The following TTLL11 variants were observed in gnomAD, a reference collection of about 807,000 sequenced individuals.
TTLL11 encodes tubulin polyglutamylase TTLL11.
In TTLL11, 42 loss-of-function variants were observed where a neutral mutation model predicts 51.7. The ratio of observed to expected loss-of-function variants is 0.81; its 90% CI spans 0.64 to 1.05. TTLL11 has a LOEUF of 1.05. Ranked by LOEUF, TTLL11 falls within the 50% of genes least tolerant of loss-of-function variation. The probability of loss-of-function intolerance (pLI) is 0.00; values close to 1 mark genes in which losing one functional copy is unlikely to be tolerated. For missense variants in TTLL11, 799 were observed against 940.4 expected, an observed-to-expected ratio of 0.85 and a Z score of 1.97; for synonymous variants, 381 against 383.5, an observed-to-expected ratio of 0.99 and a Z score of 0.08.
intron 6 of TTLL11, among the ~76,000 whole-genome samples, chr9:121,913,686 A>G (rs1193079296): frequency 2.0e-5 from 3 of 152,228 alleles, no homozygotes. Flanking sequence ...AAACCAGGAC[A>G]CTACTGAACT....
intron 4 of TTLL11, among the ~76,000 whole-genome samples, chr9:121,982,880 C>T (rs948068264): frequency 3.9e-5 from 6 of 152,204 alleles, no homozygotes; most frequent in Middle Eastern, 3.4e-3. Context: ...GGGCAGATGG[C>T]GCTGCATCTT....
chr9:121,829,726 A>T (rs1470654234), intron 8 of TTLL11, among the ~76,000 whole-genome samples: 1 of 150,376 alleles, frequency 6.6e-6, no homozygotes, highest in Admixed American at 6.7e-5. Flanking sequence ...TTCTTTTCTG[A>T]ATTTTCCAAA....
chr9:122,041,597 T>A (rs550334111), intron 1 of TTLL11, among the ~76,000 whole-genome samples: 3 of 151,996 alleles, frequency 2.0e-5, no homozygotes, highest in Non-Finnish European at 4.4e-5. Flanking sequence ...AATCAACACA[T>A]AAAAATCAAC....
At chr9:121,839,311 A>G (rs12352487) in intron 8 of TTLL11, among the ~76,000 whole-genome samples, 9,053 of 152,236 alleles carry the variant, frequency 0.059, 748 homozygotes, top group African/African-American at 0.19. Flanking sequence ...CCTGGCGTGT[A>G]GGGGCGGCTC....
intron 1 of TTLL11, among the ~76,000 whole-genome samples, chr9:122,060,442 T>C (rs1468484902): frequency 6.6e-6 from 1 of 152,208 alleles, no homozygotes; most frequent in African/African-American, 2.4e-5. Context: ...AGAAGTTACA[T>C]AGCCTGCTCC....
At chr9:122,077,692 T>C (rs184555149) in intron 1 of TTLL11, among the ~76,000 whole-genome samples, 14 of 152,176 alleles carry the variant, frequency 9.2e-5, no homozygotes, top group Non-Finnish European at 1.9e-4. Context: ...CTACAAAATT[T>C]ATATAATGCA....
intron 6 of TTLL11, among the ~76,000 whole-genome samples, chr9:121,925,487 T>C (rs907824099): frequency 1.4e-5 from 2 of 144,018 alleles, no homozygotes; most frequent in Admixed American, 1.4e-4. Flanking sequence ...GGCCTGTTCA[T>C]GGCTCCAGGC....
At position 121,927,628 on chromosome 9, in the gene TTLL11, A is replaced by ATT. The variant is rs59367881; in HGVS notation, c.1481+46379_1481+46380dup. The stretch of plus-strand genomic sequence containing the variant: ...ATATCACAAGAGCACAGAAGGTGGC[A>ATT]TTTTTTTTTTTTTTTTTTTGAAGGT... On this transcript the variant is annotated intron_variant, in intron 6 of 8. Transcript: ENST00000321582. Among the ~76,000 whole-genome samples the ATT allele has an allele frequency of 1.2e-4, 18 of 144,194 alleles. No individual in the cohort carries two copies. The South Asian group carries it at 3.3e-3, about 27-fold the overall frequency. The allele number at this position is 144,194 out of a possible 152,430, so 94.6% of individuals were successfully genotyped here.
intron 1 of TTLL11, among the ~76,000 whole-genome samples, chr9:122,082,673 T>C (rs1564390382): frequency 1.3e-5 from 2 of 152,114 alleles, no homozygotes; most frequent in South Asian, 4.1e-4. Flanking sequence ...GAAAGATGTA[T>C]ATGAGGTACT....
At chr9:121,996,258 T>C (rs979746941) in intron 3 of TTLL11, among the ~76,000 whole-genome samples, 62 of 152,254 alleles carry the variant, frequency 4.1e-4, no homozygotes, top group Admixed American at 3.6e-3. Context: ...TCCCTGGACC[T>C]CCACCGACCT....
At chr9:121,992,044 G>C (rs906268448) in intron 3 of TTLL11, among the ~76,000 whole-genome samples, 4 of 152,136 alleles carry the variant, frequency 2.6e-5, no homozygotes, top group African/African-American at 9.7e-5. Flanking sequence ...TAATGTATCA[G>C]ACAGCACTGA....
At chr9:122,033,466 G>A (rs1280175878) in intron 2 of TTLL11, among the ~76,000 whole-genome samples, 1 of 152,108 alleles carries the variant, frequency 6.6e-6, no homozygotes, top group African/African-American at 2.4e-5. Context: ...GCTACAAATG[G>A]CCTTTACCCT....
At chr9:121,981,440 C>T (rs989437070) in intron 4 of TTLL11, among the ~76,000 whole-genome samples, 2 of 152,160 alleles carry the variant, frequency 1.3e-5, no homozygotes, top group African/African-American at 4.8e-5. Flanking sequence ...CTTCACTAAG[C>T]TCATATGTTC....
intron 8 of TTLL11, among the ~76,000 whole-genome samples, chr9:121,823,858 G>A (rs1836660404): frequency 6.6e-6 from 1 of 152,138 alleles, no homozygotes; most frequent in Admixed American, 6.5e-5. Flanking sequence ...TGTCTTATAA[G>A]CGTCTACTTA....
intron 6 of TTLL11, among the ~76,000 whole-genome samples, chr9:121,899,365 G>GTGTGTATATATATATATATATA (rs1226221957): frequency 8.8e-6 from 1 of 113,240 alleles, no homozygotes; most frequent in African/African-American, 3.3e-5. Context: ...ATGTGTGTGT[G>GTGTGTATATATATATATATATA]TATATATATA....
chr9:122,075,104 C>T (rs886583416), intron 1 of TTLL11, among the ~76,000 whole-genome samples: 1 of 152,160 alleles, frequency 6.6e-6, no homozygotes, highest in Non-Finnish European at 1.5e-5. Context: ...TTCAAATCAA[C>T]AATACTATAT....
At chr9:122,009,505 T>G (rs1462469722) in intron 3 of TTLL11, among the ~76,000 whole-genome samples, 1 of 151,844 alleles carries the variant, frequency 6.6e-6, no homozygotes, top group Non-Finnish European at 1.5e-5. Context: ...CTTATTGTTC[T>G]CTATTCTCTG....
At chr9:121,972,728 A>C (rs771213566) in intron 6 of TTLL11, among the ~76,000 whole-genome samples, 1 of 152,266 alleles carries the variant, frequency 6.6e-6, no homozygotes, top group Middle Eastern at 3.2e-3. Flanking sequence ...TTCTGTGGCC[A>C]GGCCTTCCAC....
intron 1 of TTLL11, among the ~76,000 whole-genome samples, chr9:122,063,976 T>C (rs1845502556): frequency 6.6e-6 from 1 of 152,220 alleles, no homozygotes; most frequent in African/African-American, 2.4e-5. Context: ...AACAATAAAA[T>C]TCTGAATTTA....
Sources: gnomAD v4.1 joint callset for allele counts (sites outside exome capture counted in the v4.1 genomes callset) on GRCh38, gnomAD v4.1.1 for gene constraint, MANE v1.5 for transcripts, NCBI Gene and HGNC (gene_info 2026-07-23, HGNC 2026-07-21) for gene names.